Variants in B3GALT1 observed in about 807,000 individuals in gnomAD.
The protein encoded by B3GALT1 is beta-1,3-galactosyltransferase 1.
Under a neutral mutation model 23.2 loss-of-function variants are expected in B3GALT1, and 10 were observed. That is an observed-to-expected ratio of 0.43 (90% CI 0.27 to 0.73). The LOEUF (loss-of-function observed/expected upper bound fraction) is 0.73, where lower values mean the gene tolerates loss of function less well. B3GALT1 is among the 30% of genes least tolerant of loss of function. B3GALT1 has a pLI of 0.21. For synonymous variants in B3GALT1, 156 were observed against 141.5 expected, an observed-to-expected ratio of 1.10 and a Z score of -0.73; for missense variants, 299 against 405.4, an observed-to-expected ratio of 0.74 and a Z score of 2.25.
At chr2:167,808,576 G>T (rs1430100424) in intron 3 of B3GALT1, among the ~76,000 whole-genome samples, 1 of 151,948 alleles carries the variant, frequency 6.6e-6, no homozygotes, top group East Asian at 1.9e-4. Context: ...ATTCTGGGTT[G>T]AAAATTCTTT....
At chr2:167,392,960 C>T (rs929703404) in intron 1 of B3GALT1, among the ~76,000 whole-genome samples, 11 of 152,116 alleles carry the variant, frequency 7.2e-5, no homozygotes, top group African/African-American at 1.9e-4. Context: ...TTTAGCCGGG[C>T]GCAGTGGCTC....
intron 3 of B3GALT1, among the ~76,000 whole-genome samples, chr2:167,668,020 C>T (rs368332240): frequency 5.9e-5 from 9 of 152,282 alleles, no homozygotes; most frequent in East Asian, 1.9e-4. Context: ...GGAGGAGAGG[C>T]GCTCTGCTTT....
chr2:167,595,532 C>T (rs1258595802), intron 2 of B3GALT1, among the ~76,000 whole-genome samples: 4 of 152,078 alleles, frequency 2.6e-5, no homozygotes, highest in African/African-American at 9.7e-5. Flanking sequence ...ATAATCTACT[C>T]TTCATTCTGT....
intron 3 of B3GALT1, among the ~76,000 whole-genome samples, chr2:167,752,467 C>A (rs1687753306): frequency 6.6e-6 from 1 of 151,384 alleles, no homozygotes; most frequent in South Asian, 2.1e-4. Flanking sequence ...ATGTTGCATA[C>A]CATTTATGTA....
At chr2:167,406,827 A>G (rs532184355) in intron 1 of B3GALT1, among the ~76,000 whole-genome samples, 6 of 152,194 alleles carry the variant, frequency 3.9e-5, no homozygotes, top group African/African-American at 7.2e-5. Context: ...ATGGACACCA[A>G]CTCAGCCTTC....
chr2:167,790,800 T>C (rs1302863383), intron 3 of B3GALT1, among the ~76,000 whole-genome samples: 1 of 152,202 alleles, frequency 6.6e-6, no homozygotes, highest in Non-Finnish European at 1.5e-5. Flanking sequence ...TTTATTGTTC[T>C]AACAGGATTT....
intron 4 of B3GALT1, among the ~76,000 whole-genome samples, chr2:167,866,653 T>C (rs1484818900): frequency 6.6e-6 from 1 of 152,102 alleles, no homozygotes; most frequent in Non-Finnish European, 1.5e-5. Flanking sequence ...AATCCTCCAT[T>C]AACAGCCTGA....
At chr2:167,606,223 G>A (rs115230571) in intron 2 of B3GALT1, among the ~76,000 whole-genome samples, 2,629 of 152,198 alleles carry the variant, frequency 0.017, 87 homozygotes, top group African/African-American at 0.06. Flanking sequence ...ATCATATGCC[G>A]CTAAGTTTTT....
intron 2 of B3GALT1, among the ~76,000 whole-genome samples, chr2:167,593,773 G>A (rs917763888): frequency 2.6e-5 from 4 of 152,272 alleles, no homozygotes; most frequent in Non-Finnish European, 4.4e-5. Context: ...TCCACAACAC[G>A]GAGCTCAGTG....
At chr2:167,376,062 C>A (rs772705033) in intron 1 of B3GALT1, among the ~76,000 whole-genome samples, 8 of 152,126 alleles carry the variant, frequency 5.3e-5, no homozygotes, top group Admixed American at 2.0e-4. Flanking sequence ...AAAGCTATTT[C>A]TGCATCTGTT....
chr2:167,562,857 G>T (rs1324640805), intron 2 of B3GALT1, among the ~76,000 whole-genome samples: 2 of 151,900 alleles, frequency 1.3e-5, no homozygotes, highest in Non-Finnish European at 2.9e-5. Context: ...GACTCTTAAG[G>T]AGCATGCTGC....
At chr2:167,785,929 C>T (rs571849633) in intron 3 of B3GALT1, among the ~76,000 whole-genome samples, 3 of 152,204 alleles carry the variant, frequency 2.0e-5, no homozygotes, top group South Asian at 2.1e-4. Context: ...ACTGCTTTTC[C>T]GATTTCATAG....
At chr2:167,868,300 A>G (rs553720865) in intron 4 of B3GALT1, among the ~76,000 whole-genome samples, 2 of 152,352 alleles carry the variant, frequency 1.3e-5, no homozygotes, top group African/African-American at 4.8e-5. Flanking sequence ...ATTAGCAGAG[A>G]TTTTCCAGTG....
In B3GALT1 at chr2:167,715,019, T is replaced by G. The variant is rs1687121625; in HGVS notation, c.-352+68053T>G. 27 of 1,611,570 alleles carry G rather than the reference T, an allele frequency of 1.7e-5. No homozygotes were observed. In the Admixed American group the frequency reaches 4.3e-4, roughly 26 times the overall value. On this transcript the variant is annotated intron_variant, in intron 3 of 4. Transcript: ENST00000392690. The stretch of plus-strand genomic sequence containing the variant: ...AAGATTTTTAATATGCTCGGTAAGC[T>G]CTTCCTTTGTTTTGTCCACTTCAGA...
chr2:167,536,765 C>T (rs1683436002), intron 2 of B3GALT1, among the ~76,000 whole-genome samples: 1 of 152,152 alleles, frequency 6.6e-6, no homozygotes, highest in Non-Finnish European at 1.5e-5. Context: ...ACCCAGGCCC[C>T]TCCACTCTGC....
chr2:167,613,124 A>C (rs963227133), intron 2 of B3GALT1, among the ~76,000 whole-genome samples: 1 of 151,994 alleles, frequency 6.6e-6, no homozygotes, highest in African/African-American at 2.4e-5. Flanking sequence ...TAGGGCTAGC[A>C]CACTTTACAA....
In B3GALT1 at chr2:167,511,687, G is replaced by C. The variant is rs1167020376; in HGVS notation, c.-410+21410G>C. On this transcript the variant is annotated intron_variant, in intron 2 of 4. Coordinates refer to ENST00000392690, the MANE Select transcript of B3GALT1 (RefSeq NM_020981.4). ...TTTTAATTAGGAAAGTCTTCCAAAT[G>C]TTAGCAAGAAATTGTCACTGAATGG... is the stretch of plus-strand genomic sequence containing the variant. 2.0e-5 allele frequency among the ~76,000 whole-genome samples: 3 copies of C among 151,998 alleles called. No individual in the cohort carries two copies. The East Asian group carries it at 5.8e-4, about 29-fold the overall frequency.
At chr2:167,614,981 TAAAAG>T (rs1685134174) in intron 2 of B3GALT1, among the ~76,000 whole-genome samples, 1 of 151,878 alleles carries the variant, frequency 6.6e-6, no homozygotes, top group Non-Finnish European at 1.5e-5. Context: ...ATATAAATAC[TAAAAG>T]AAAACACAGG....
intron 4 of B3GALT1, among the ~76,000 whole-genome samples, chr2:167,865,660 C>T (rs920752241): frequency 2.0e-4 from 31 of 151,760 alleles, no homozygotes; most frequent in African/African-American, 6.5e-4. Context: ...GGCGTGGTGG[C>T]GGGTGCCTGT....
Sources: allele counts gnomAD v4.1 joint callset (sites outside exome capture counted in the v4.1 genomes callset), GRCh38; gene constraint gnomAD v4.1.1; transcripts MANE v1.5; gene names NCBI Gene and HGNC (gene_info 2026-07-23, HGNC 2026-07-21).